The following GPR179 variants were observed in gnomAD, a reference collection of about 807,000 sequenced individuals.
GPR179 encodes the protein probable G protein-coupled receptor 179.
GPR179 carries 52 observed loss-of-function variants against 70.8 expected under a neutral mutation model. That is an observed-to-expected ratio of 0.73 (90% CI 0.59 to 0.93). The LOEUF (loss-of-function observed/expected upper bound fraction) is 0.93, where lower values mean the gene tolerates loss of function less well. GPR179 is among the 40% of genes least tolerant of loss of function. The probability of loss-of-function intolerance (pLI) is 0.00; values close to 1 mark genes in which losing one functional copy is unlikely to be tolerated. For synonymous variants in GPR179, 1,123 were observed against 1,169.0 expected (o/e 0.96, Z 0.80); for missense variants, 2,734 against 2,966.8 (o/e 0.92, Z 1.82).
rs201654499 is a variant in GPR179 at position 38,328,153 on chromosome 17, C to T, written c.5416G>A (p.Ala1806Thr). Residue 1806 changes from alanine (A) to threonine (T), a missense_variant, in exon 11 of 11, where the codon GCA becomes ACA. Ala to Thr is a moderately conservative substitution (Grantham distance 58). Coordinates refer to ENST00000616987, the MANE Select transcript of GPR179 (RefSeq NM_001004334.4). The part of the protein sequence containing the change: ...CRPGEVCPWE[A>T]QEAATSEKAK... ...TTTTCACTGGTAGCAGCTTCCTGTG[C>T]TTCCCAGGGACACACTTCACCTGGC... 732 of 1,613,482 alleles carry T rather than the reference C, an allele frequency of 4.5e-4. 2 individuals are homozygous for T. The highest frequency in any genetic ancestry group is 9.8e-4 in the Admixed American group (59 of 59,960).
intron 1 of GPR179, among the ~76,000 whole-genome samples, chr17:38,340,609 T>C (rs1278532859): frequency 1.3e-5 from 2 of 152,116 alleles, no homozygotes; most frequent in African/African-American, 4.8e-5. Context: ...TGAAGGCTCC[T>C]GTGTCATGTA....
Position 38,334,707 on chromosome 17 carries a change from G to T in GPR179, c.1781C>A (p.Ala594Asp). 2.5e-6 allele frequency: 4 copies of T among 1,613,720 alleles called. No homozygotes were observed. The highest frequency in any genetic ancestry group is 2.5e-6 in the Non-Finnish European group (3 of 1,179,904). The change falls in exon 8 of 11, where the codon GCC becomes GAC. Residue 594 changes from alanine (A) to aspartate (D), a missense_variant. Transcript: ENST00000616987. This position sits in a 1 kb window ranked among gnomAD's most constrained non-coding sequence, Gnocchi z 4.7. ...GGGGAGGTGAGTCCGTCCTCACCTG[G>T]CTGTGTGGAAGGCAGCGGAAAGCAG... ...ELLLSAAFHTARFVLVPSLHP... is the reference protein window; with the variant it reads ...ELLLSAAFHTDRFVLVPSLHP...
chr17:38,331,659 C>T (rs1183931934), intron 10 of GPR179, 128 bp from the exon 11 acceptor site: 38 of 1,447,430 alleles, frequency 2.6e-5, no homozygotes, highest in African/African-American at 1.4e-5. Context: ...GTATCTCTTC[C>T]CTGCTTCTAA....
chr17:38,327,225 C>T lies in GPR179; in HGVS notation c.6344G>A (p.Cys2115Tyr). The T allele has an allele frequency of 6.2e-7, 1 of 1,614,258 alleles. No individual in the cohort carries two copies. Among genetic ancestry groups the T allele is most frequent in the Non-Finnish European group, 8.5e-7 (1 of 1,180,050 alleles). ...GSVETRVAEV[C>Y]LWEVVEAPSA... The stretch of plus-strand genomic sequence containing the variant: ...GGGAGCCTCTACCACTTCCCACAGA[C>T]ACACTTCCGCTACCCTGGTCTCCAC... Residue 2115 changes from cysteine (C) to tyrosine (Y), a missense_variant, in exon 11 of 11, where the codon TGT (cysteine) becomes TAT (tyrosine). Cys to Tyr is a radical substitution (Grantham distance 194). Coordinates refer to ENST00000616987, the MANE Select transcript of GPR179 (RefSeq NM_001004334.4).
chr17:38,337,243 G>A (rs1336624996), intron 3 of GPR179, 30 bp from the exon 4 acceptor site: 1 of 1,569,882 alleles, frequency 6.4e-7, no homozygotes, highest in East Asian at 2.3e-5. Flanking sequence ...TGCAGGGAGA[G>A]GGGCCCAGCT....
chr17:38,329,642 C>T lies in GPR179; in HGVS notation c.3927G>A (p.Lys1309=). 2 of 1,614,170 alleles carry T rather than the reference C, an allele frequency of 1.2e-6. No homozygotes were observed. Among genetic ancestry groups the T allele is most frequent in the South Asian group, 1.1e-5 (1 of 91,088 alleles). Residue 1309 remains lysine (K), a synonymous_variant, in exon 11 of 11, where the codon AAG becomes AAA. Coordinates refer to ENST00000616987, the MANE Select transcript of GPR179 (RefSeq NM_001004334.4). ...PIDVVPMMRK[K]PERLVREQEA... is the part of the protein sequence containing the mutation. ...CCTGCTCCCTCACCAGCCTCTCTGGCTTTTTCCGCATCATGGGAACCACAT... is the reference window on the plus strand; with the variant it reads ...CCTGCTCCCTCACCAGCCTCTCTGGTTTTTTCCGCATCATGGGAACCACAT...
Position 38,324,970 on chromosome 17 carries a change from T to C in GPR179, c.*1495A>G, listed in dbSNP as rs1443726024. ...ATGGCTCTTTTTCCCTTTGGGTATTTGGTCTCCCTGTTTGTCTTTTTCTCC... is the reference window on the plus strand; with the variant it reads ...ATGGCTCTTTTTCCCTTTGGGTATTCGGTCTCCCTGTTTGTCTTTTTCTCC... On this transcript the variant is annotated 3_prime_UTR_variant, in exon 11 of 11. Transcript: ENST00000616987. 1.3e-5 allele frequency among the ~76,000 whole-genome samples: 2 copies of C among 152,174 alleles called. No individual in the cohort carries two copies. Among genetic ancestry groups the C allele is most frequent in the Non-Finnish European group, 2.9e-5 (2 of 68,044 alleles).
rs1294792300 is a variant in GPR179 at position 38,334,859 on chromosome 17, A to G, written c.1646-17T>C. The G allele has an allele frequency of 6.2e-7, 1 of 1,609,544 alleles. No homozygotes were observed. The highest frequency in any genetic ancestry group is 8.5e-7 in the Non-Finnish European group (1 of 1,178,712). ...GCAGCTCAGCTGTGGGGAGACAGGG[A>G]GGGAGAGAGCCGGCACCACCTCAGC... is the stretch of plus-strand genomic sequence containing the variant. On this transcript the variant is annotated splice_polypyrimidine_tract_variant and intron_variant, in intron 7 of 10. Transcript: ENST00000616987. This position sits in a 1 kb window ranked among gnomAD's most constrained non-coding sequence, Gnocchi z 4.7.
In GPR179 at chr17:38,334,709, T is replaced by G; in HGVS notation, c.1779A>C (p.Thr593=). Residue 593 remains threonine, a synonymous_variant, in exon 8 of 11, where the codon ACA becomes ACC. Coordinates refer to ENST00000616987, the MANE Select transcript of GPR179 (RefSeq NM_001004334.4). The surrounding 1 kb of genome is among the most constrained non-coding windows in gnomAD (Gnocchi z 4.7). ...GGAGGTGAGTCCGTCCTCACCTGGC[T>G]GTGTGGAAGGCAGCGGAAAGCAGTA... The part of the protein sequence containing the change: ...NELLLSAAFH[T]ARFVLVPSLH... The G allele has an allele frequency of 6.2e-7, 1 of 1,613,734 alleles. No homozygotes were observed. Among genetic ancestry groups the G allele is most frequent in the Non-Finnish European group, 8.5e-7 (1 of 1,179,920 alleles).
chr17:38,335,987 G>T, intron 5 of GPR179, 89 bp downstream of exon 5: 1 of 916,808 alleles, frequency 1.1e-6, no homozygotes, highest in Non-Finnish European at 1.8e-6. Flanking sequence ...CTTCCAGAGG[G>T]CAGAGAAGGG....
chr17:38,327,460 C>T lies in GPR179; in HGVS notation c.6109G>A (p.Gly2037Arg). 1.2e-6 allele frequency: 2 copies of T among 1,614,218 alleles called. No homozygotes were observed. Among genetic ancestry groups the T allele is most frequent in the Non-Finnish European group, 1.7e-6 (2 of 1,180,054 alleles). ...TTCTCTTCTTGAGAGTCCCCTTTTC[C>T]ATCCTGCCTTGACACCCCTTTGACA... ...IPVKGVSRQD[G>R]KGDSQEEKGR... Residue 2037 changes from glycine (G) to arginine (R), a missense_variant, in exon 11 of 11, where the codon GGA (glycine) becomes AGA (arginine). Transcript: ENST00000616987.
chr17:38,336,241 AGGCTT>A, intron 4 of GPR179, 97 bp from the exon 5 acceptor site: 1 of 848,818 alleles, frequency 1.2e-6, no homozygotes, highest in Middle Eastern at 2.3e-4. Context: ...CCCTGAGCTA[AGGCTT>A]CACCCTGTAA....
chr17:38,342,738 A>T (rs1283099679), intron 1 of GPR179, among the ~76,000 whole-genome samples: 1 of 152,262 alleles, frequency 6.6e-6, no homozygotes, highest in Admixed American at 6.5e-5. Flanking sequence ...ACATTCCTGC[A>T]TGTGCTCAAG....
rs1239003383 is a variant in GPR179, at chr17:38,334,801, C to T, written c.1687G>A (p.Ala563Thr). The T allele has an allele frequency of 4.3e-6, 7 of 1,613,198 alleles. No individual in the cohort carries two copies. The East Asian group carries it at 8.9e-5, about 21-fold the overall frequency. The stretch of plus-strand genomic sequence containing the variant: ...AAGGCCGAGAGCACAGCCCGTGTGG[C>T]GTAGCAGAGGAAGCTGCCCCAGCAC... ...LLCWGSFLCYATRAVLSAFHE... is the reference protein window; with the variant it reads ...LLCWGSFLCYTTRAVLSAFHE... The change falls in exon 8 of 11, where the codon GCC (alanine) becomes ACC (threonine). Residue 563 changes from alanine (A) to threonine (T), a missense_variant. Physicochemically the swap from Ala to Thr is moderately conservative, Grantham distance 58 (BLOSUM62 0). Coordinates refer to ENST00000616987, the MANE Select transcript of GPR179 (RefSeq NM_001004334.4). The surrounding 1 kb of genome is among the most constrained non-coding windows in gnomAD (Gnocchi z 4.7).
At chr17:38,340,779 A>G (rs1280387084) in intron 1 of GPR179, among the ~76,000 whole-genome samples, 3 of 152,064 alleles carry the variant, frequency 2.0e-5, no homozygotes, top group African/African-American at 7.2e-5. Flanking sequence ...TCAGCCGGGC[A>G]TGGTGGCTCA....
chr17:38,330,167 C>A lies in GPR179; in HGVS notation c.3402G>T (p.Arg1134=). 6.3e-7 allele frequency: 1 copy of A among 1,577,226 alleles called. No homozygotes were observed. The highest frequency in any genetic ancestry group is 8.6e-7 in the Non-Finnish European group (1 of 1,161,228). ...CGGCCTGCTTACTCACCGCCTTGGGCCGGCCTAGCCTGGGCGATCGGGAGG... is the reference window on the plus strand; with the variant it reads ...CGGCCTGCTTACTCACCGCCTTGGGACGGCCTAGCCTGGGCGATCGGGAGG... ...GAPSRSPRLG[R]PKAVSKQAAL... is the part of the protein sequence containing the mutation. Residue 1134 remains arginine (R), a synonymous_variant, in exon 11 of 11, where the codon CGG becomes CGT. Coordinates refer to ENST00000616987, the MANE Select transcript of GPR179 (RefSeq NM_001004334.4).
At position 38,335,101 on chromosome 17, in the gene GPR179, C is replaced by T; in HGVS notation, c.1577G>A (p.Gly526Asp). Residue 526 changes from glycine to aspartate, a missense_variant, in exon 7 of 11, where the codon GGC (glycine) becomes GAC (aspartate). By Grantham distance (94) the Gly-to-Asp change is moderately conservative. Coordinates refer to ENST00000616987, the MANE Select transcript of GPR179 (RefSeq NM_001004334.4). Reference protein sequence around the residue: ...GIQHAPLVIRGHTPSGRHFYL... With the variant: ...GIQHAPLVIRDHTPSGRHFYL... The stretch of plus-strand genomic sequence containing the variant: ...GAAATGGCGGCCACTGGGAGTGTGG[C>T]CTCGGATCACCAGAGGTGCGTGCTG... The T allele has an allele frequency of 6.2e-7, 1 of 1,612,258 alleles. No homozygotes were observed. The highest frequency in any genetic ancestry group is 8.5e-7 in the Non-Finnish European group (1 of 1,179,370).
In GPR179 at chr17:38,328,452, G is replaced by A. The variant is rs993755165; in HGVS notation, c.5117C>T (p.Pro1706Leu). 5 of 1,614,052 alleles carry A rather than the reference G, an allele frequency of 3.1e-6. No homozygotes were observed. The highest frequency in any genetic ancestry group is 3.4e-6 in the Non-Finnish European group (4 of 1,180,046). ...CCCTGCTCCAGCACCCACCTCCCAG[G>A]GACAGATTTCTGCCTTCCCAGCAGT... Reference protein sequence around the residue: ...NLTAGKAEICPWEVGAGAGEE... With the variant: ...NLTAGKAEICLWEVGAGAGEE... Residue 1706 changes from proline (P) to leucine (L), a missense_variant, in exon 11 of 11, where the codon CCC becomes CTC. Physicochemically the swap from Pro to Leu is moderately conservative, Grantham distance 98. Transcript: ENST00000616987.
rs766861834 is a variant in GPR179 at position 38,328,102 on chromosome 17, T to C, written c.5467A>G (p.Ser1823Gly). Reference sequence around the variant, plus strand: ...AATCCCTTCCCAGTAGTTCCTTCACTTACCTCCCAGGGACAGATCTTGGCT... The same window carrying C: ...AATCCCTTCCCAGTAGTTCCTTCACCTACCTCCCAGGGACAGATCTTGGCT... The part of the protein sequence containing the change: ...EKAKICPWEV[S>G]EGTTGKGLDQ... Residue 1823 changes from serine (S) to glycine (G), a missense_variant, in exon 11 of 11, where the codon AGT (serine) becomes GGT (glycine). Physicochemically the swap from Ser to Gly is moderately conservative, Grantham distance 56. Coordinates refer to ENST00000616987, the MANE Select transcript of GPR179 (RefSeq NM_001004334.4). 2 of 1,613,956 alleles carry C rather than the reference T, an allele frequency of 1.2e-6. No individual in the cohort carries two copies. Among genetic ancestry groups the C allele is most frequent in the Admixed American group, 3.3e-5 (2 of 60,000 alleles).
Sources: gnomAD v4.1 joint callset for allele counts (sites outside exome capture counted in the v4.1 genomes callset) on GRCh38, gnomAD v4.1.1 for gene constraint, Gnocchi (gnomAD v3.1) non-coding constraint, MANE v1.5 for transcripts, NCBI Gene and HGNC (gene_info 2026-07-23, HGNC 2026-07-21) for gene names.